GPATCH2L: variants seen among roughly 807,000 people sequenced by gnomAD.
The protein encoded by GPATCH2L is G patch domain-containing protein 2-like.
A neutral mutation model predicts 57.4 loss-of-function variants in GPATCH2L; 31 were observed. The observed-to-expected ratio is 0.54, with a 90% CI of 0.41 to 0.73. GPATCH2L has a LOEUF of 0.73. Among genes scored for constraint, GPATCH2L ranks in the 30% least tolerant of loss-of-function variants. GPATCH2L has a pLI of 0.00. For missense variants in GPATCH2L, 481 were observed against 599.9 expected (o/e 0.80, Z 2.07); for synonymous variants, 199 against 210.7 (o/e 0.94, Z 0.48).
At chr14:76,155,119 C>T (rs1244954557) in intron 2 of GPATCH2L, 94 bp downstream of exon 2, 11 of 978,448 alleles carry the variant, frequency 1.1e-5, no homozygotes, top group Non-Finnish European at 1.6e-5. Context: ...TCTTTCAAAC[C>T]AGCCACTCTA....
rs753000499 is a variant in GPATCH2L, at chr14:76,154,828, G to A, written c.465G>A (p.Glu155=). The A allele has an allele frequency of 6.2e-7, 1 of 1,614,224 alleles. No homozygotes were observed. The highest frequency in any genetic ancestry group is 2.2e-5 in the East Asian group (1 of 44,892). Residue 155 remains glutamate (E), a synonymous_variant, in exon 2 of 10, where the codon GAG becomes GAA. Transcript: ENST00000261530. This position sits in a 1 kb window ranked among gnomAD's most constrained non-coding sequence, Gnocchi z 4.4. ...TGAAGGTGTCAGATTGGAGCTATGA[G>A]AGAGGCTGCAGGTTCAAGTCTGCTA... The part of the protein sequence containing the change: ...QKLKVSDWSY[E]RGCRFKSAKK...
At chr14:76,178,096 G>T in intron 7 of GPATCH2L, 54 bp downstream of exon 7, 1 of 1,432,118 alleles carries the variant, frequency 7.0e-7, no homozygotes, top group South Asian at 1.2e-5. Context: ...CGTTTTCTAA[G>T]AGTATCCAAC....
At chr14:76,190,901 G>C (rs1315559197) in intron 8 of GPATCH2L, among the ~76,000 whole-genome samples, 2 of 152,142 alleles carry the variant, frequency 1.3e-5, no homozygotes, top group Non-Finnish European at 2.9e-5. Flanking sequence ...TGCCACTCCA[G>C]TTGAGAATGA....
At chr14:76,178,948 G>A (rs571560265) in intron 7 of GPATCH2L, 2 of 152,202 alleles carry the variant, frequency 1.3e-5, no homozygotes, top group Non-Finnish European at 2.9e-5. Flanking sequence ...GTTTCTTTAT[G>A]TGTGAAGCTT....
At chr14:76,155,213 G>T (rs990726418) in intron 2 of GPATCH2L, among the ~76,000 whole-genome samples, 188 bp downstream of exon 2, 1 of 152,148 alleles carries the variant, frequency 6.6e-6, no homozygotes, top group Non-Finnish European at 1.5e-5. Flanking sequence ...CCTCTGTCAG[G>T]AAGGCTATAT....
At chr14:76,218,478 T>C (rs746617333), downstream of GPATCH2L, among the ~76,000 whole-genome samples, 1 of 152,062 alleles carries the variant, frequency 6.6e-6, no homozygotes, top group Non-Finnish European at 1.5e-5. Flanking sequence ...CAAGAAATAT[T>C]ATTTGTAGAA....
chr14:76,177,785 T>C (rs14500), intron 6 of GPATCH2L: 1 of 702,738 alleles, frequency 1.4e-6, no homozygotes, highest in African/African-American at 1.8e-5. Context: ...TATTCCCTTC[T>C]TTGTCTTTAC....
intron 2 of GPATCH2L, among the ~76,000 whole-genome samples, chr14:76,164,317 T>C (rs1428752678): frequency 6.6e-6 from 1 of 152,216 alleles, no homozygotes; most frequent in Non-Finnish European, 1.5e-5. Flanking sequence ...TGTGGGGCTG[T>C]GCTGTGCATT....
chr14:76,235,180 A>AG (rs1555385164), intron 2 of GPATCH2L, among the ~76,000 whole-genome samples: 2 of 151,776 alleles, frequency 1.3e-5, no homozygotes, highest in African/African-American at 2.4e-5. Context: ...AAAAAAAAAA[A>AG]AAAAGAAAAA....
At chr14:76,163,487 T>C (rs2038693315) in intron 2 of GPATCH2L, among the ~76,000 whole-genome samples, 1 of 152,188 alleles carries the variant, frequency 6.6e-6, no homozygotes, top group Non-Finnish European at 1.5e-5. Flanking sequence ...AAATAATAGA[T>C]TTCATAGGCC....
In GPATCH2L at chr14:76,203,657, C is replaced by A. The variant is rs1349876578; in HGVS notation, c.*1806C>A. ...GCAGTGTGTGTGCTTACAGGGACTTCCCAGGCTGCACTTCCCTTCCCTGTG... is the reference window on the plus strand; with the variant it reads ...GCAGTGTGTGTGCTTACAGGGACTTACCAGGCTGCACTTCCCTTCCCTGTG... On this transcript the variant is annotated 3_prime_UTR_variant, in exon 10 of 10. Coordinates refer to ENST00000261530, the MANE Select transcript of GPATCH2L (RefSeq NM_017926.4). 6.6e-6 allele frequency: 1 copy of A among 152,314 alleles called. No individual in the cohort carries two copies. Among genetic ancestry groups the A allele is most frequent in the African/African-American group, 2.4e-5 (1 of 41,466 alleles). The allele number at this position is 152,314 out of a possible 1,614,324, so 9.4% of individuals were successfully genotyped here.
rs969128092 is a variant in GPATCH2L, at chr14:76,208,621, G to T, written c.*6770G>T. ...TGCCAGTGCCTGTCCTGCCCAAGACGAACCCCTTTTCCTGTGCCCTAGGAC... is the reference window on the plus strand; with the variant it reads ...TGCCAGTGCCTGTCCTGCCCAAGACTAACCCCTTTTCCTGTGCCCTAGGAC... On this transcript the variant is annotated 3_prime_UTR_variant, in exon 10 of 10. Transcript: ENST00000261530. 2.0e-5 allele frequency: 3 copies of T among 152,682 alleles called. No homozygotes were observed. Among genetic ancestry groups the T allele is most frequent in the African/African-American group, 4.8e-5 (2 of 41,362 alleles). 9.5% of individuals were successfully genotyped at this position (152,682 alleles called of 1,614,324 possible).
At chr14:76,194,761 T>C (rs1462087292) in intron 8 of GPATCH2L, among the ~76,000 whole-genome samples, 3 of 152,100 alleles carry the variant, frequency 2.0e-5, no homozygotes, top group Non-Finnish European at 2.9e-5. Context: ...AAAATTGTGG[T>C]AAAATGTACA....
At chr14:76,200,189 ATTG>A (rs2040274514) in intron 9 of GPATCH2L, among the ~76,000 whole-genome samples, 1 of 152,146 alleles carries the variant, frequency 6.6e-6, no homozygotes, top group African/African-American at 2.4e-5. Flanking sequence ...GGGGGGAGTT[ATTG>A]TTTAATGGGT....
chr14:76,187,193 T>C (rs1224009620), intron 8 of GPATCH2L, among the ~76,000 whole-genome samples: 1 of 151,800 alleles, frequency 6.6e-6, no homozygotes, highest in Non-Finnish European at 1.5e-5. Flanking sequence ...AATCTAGGGA[T>C]TAAATCTCTA....
Position 76,154,314 on chromosome 14 carries a change from TTTTC to T in GPATCH2L, c.-10-28_-10-25del, listed in dbSNP as rs750080627. The T allele has an allele frequency of 2.5e-5, 37 of 1,476,980 alleles. No homozygotes were observed. The highest frequency in any genetic ancestry group is 1.8e-4 in the Middle Eastern group (1 of 5,574). The allele number at this position is 1,476,980 out of a possible 1,614,324, so 91.5% of individuals were successfully genotyped here. Reference sequence around the variant, plus strand: ...TTTTCAGGCTTTCTTTTTCTTTTTCTTTTCTTTCTTTCTTTTTTTCCTAAACTTC... The same window carrying T: ...TTTTCAGGCTTTCTTTTTCTTTTTCTTTTCTTTCTTTTTTTCCTAAACTTC... On this transcript the variant is annotated intron_variant, in intron 1 of 9. Coordinates refer to ENST00000261530, the MANE Select transcript of GPATCH2L (RefSeq NM_017926.4). This position sits in a 1 kb window ranked among gnomAD's most constrained non-coding sequence, Gnocchi z 4.4.
chr14:76,215,803 T>G (rs1251174021), downstream of GPATCH2L, among the ~76,000 whole-genome samples: 1 of 148,680 alleles, frequency 6.7e-6, no homozygotes, highest in Non-Finnish European at 1.5e-5. Flanking sequence ...CATCGGGAGA[T>G]ATACCTAATG....
At chr14:76,184,792 C>G (rs1013228370) in intron 8 of GPATCH2L, among the ~76,000 whole-genome samples, 1 of 152,120 alleles carries the variant, frequency 6.6e-6, no homozygotes, top group African/African-American at 2.4e-5. Context: ...AAAATATATC[C>G]GTGCTGGGCC....
chr14:76,159,524 T>C (rs543460842), intron 2 of GPATCH2L, among the ~76,000 whole-genome samples: 1 of 152,142 alleles, frequency 6.6e-6, no homozygotes, highest in East Asian at 2.0e-4. Context: ...CTCCCAGTGC[T>C]ACTGGGAGGC....
Sources: gnomAD v4.1 joint callset for allele counts (sites outside exome capture counted in the v4.1 genomes callset) on GRCh38, gnomAD v4.1.1 for gene constraint, Gnocchi (gnomAD v3.1) non-coding constraint, MANE v1.5 for transcripts, NCBI Gene and HGNC (gene_info 2026-07-23, HGNC 2026-07-21) for gene names.